TTC7B: variants seen among roughly 807,000 people sequenced by gnomAD.
TTC7B encodes tetratricopeptide repeat protein 7B.
In TTC7B, 28 loss-of-function variants were observed where a neutral mutation model predicts 106.8. That is an observed-to-expected ratio of 0.26 (90% confidence interval 0.19 to 0.36). The LOEUF is 0.36. Among genes scored for constraint, TTC7B ranks in the 10% least tolerant of loss-of-function variants. The probability of loss-of-function intolerance (pLI) is 1.00; values close to 1 mark genes in which losing one functional copy is unlikely to be tolerated. For missense variants in TTC7B, 862 were observed against 1,076.4 expected (o/e 0.80, Z 2.79); for synonymous variants, 405 against 430.6 (o/e 0.94, Z 0.74).
intron 17 of TTC7B, among the ~76,000 whole-genome samples, chr14:90,605,094 G>C (rs1374122976): frequency 6.6e-6 from 1 of 152,130 alleles, no homozygotes; most frequent in East Asian, 1.9e-4. Flanking sequence ...GGGGACCAGG[G>C]GATCCGCTGC....
intron 18 of TTC7B, among the ~76,000 whole-genome samples, chr14:90,582,374 T>TGGG (rs796078720): frequency 1.2e-4 from 18 of 152,252 alleles, no homozygotes; most frequent in African/African-American, 3.4e-4. Flanking sequence ...ACCTGTCAGG[T>TGGG]GGGGGGCCTG....
At chr14:90,668,350 T>C (rs1270244806) in intron 9 of TTC7B, among the ~76,000 whole-genome samples, 1 of 152,092 alleles carries the variant, frequency 6.6e-6, no homozygotes, top group East Asian at 1.9e-4. Context: ...GAGCTCAGAG[T>C]AGCCAAGTAT....
At chr14:90,610,626 T>G in intron 17 of TTC7B, 116 bp downstream of exon 17, 5 of 745,188 alleles carry the variant, frequency 6.7e-6, no homozygotes, top group Non-Finnish European at 4.8e-6. Context: ...GTTTAAACTA[T>G]TTGTGCAAGA....
intron 19 of TTC7B, among the ~76,000 whole-genome samples, chr14:90,546,495 C>T (rs1300027408): frequency 6.6e-6 from 1 of 152,206 alleles, no homozygotes; most frequent in South Asian, 2.1e-4. Context: ...GGACGCAGCC[C>T]CAGCCCCCTC....
intron 16 of TTC7B, among the ~76,000 whole-genome samples, chr14:90,615,070 G>A (rs1893014571): frequency 6.6e-6 from 1 of 152,232 alleles, no homozygotes; most frequent in African/African-American, 2.4e-5. Flanking sequence ...CCAAATGTAA[G>A]AGAATGCCAC....
intron 4 of TTC7B, among the ~76,000 whole-genome samples, chr14:90,739,915 C>T (rs140411586): frequency 4.6e-5 from 7 of 152,308 alleles, no homozygotes; most frequent in African/African-American, 1.7e-4. Flanking sequence ...CCTTGCAGGG[C>T]GGATAACTTT....
intron 3 of TTC7B, among the ~76,000 whole-genome samples, chr14:90,763,289 G>A (rs141713816): frequency 1.5e-3 from 229 of 152,090 alleles, no homozygotes; most frequent in Non-Finnish European, 2.4e-3. Context: ...AAAATTACAC[G>A]AACAATGCAA....
intron 15 of TTC7B, among the ~76,000 whole-genome samples, chr14:90,627,050 G>A (rs922789901): frequency 3.3e-5 from 5 of 152,022 alleles, no homozygotes; most frequent in African/African-American, 4.8e-5. Context: ...GCAGTGGCTC[G>A]AGGGTCAAGA....
intron 1 of TTC7B, among the ~76,000 whole-genome samples, chr14:90,804,831 C>G (rs1286318): frequency 0.69 from 104,891 of 152,136 alleles, 37,307 homozygotes; most frequent in Middle Eastern, 0.78. Flanking sequence ...CTCAAGGGAA[C>G]CAGGCCTCAC....
chr14:90,555,259 G>A (rs1890254289), intron 19 of TTC7B, among the ~76,000 whole-genome samples: 1 of 152,200 alleles, frequency 6.6e-6, no homozygotes, highest in African/African-American at 2.4e-5. Flanking sequence ...GAAGCTCCGA[G>A]GACATGAGAG....
At position 90,534,115 on chromosome 14, in the gene TTC7B, C is replaced by G. The variant is rs986325307; in HGVS notation, c.*7253G>C. On this transcript the variant is annotated 3_prime_UTR_variant, in exon 20 of 20. Coordinates refer to ENST00000328459, the MANE Select transcript of TTC7B (RefSeq NM_001010854.2). ...CAGCAGGTGCAGAGCTGGAGTGGGTCCCCCACGGTGTGACCTTGAGGGGGG... is the reference window on the plus strand; with the variant it reads ...CAGCAGGTGCAGAGCTGGAGTGGGTGCCCCACGGTGTGACCTTGAGGGGGG... 3 of 152,578 alleles carry G rather than the reference C, an allele frequency of 2.0e-5. No individual in the cohort carries two copies. Among genetic ancestry groups the G allele is most frequent in the African/African-American group, 7.2e-5 (3 of 41,606 alleles). 9.5% of individuals were successfully genotyped at this position (152,578 alleles called of 1,614,324 possible). A position where few individuals can be genotyped will look rare whatever the true frequency, so the allele number is the denominator to read the frequency against.
intron 9 of TTC7B, among the ~76,000 whole-genome samples, chr14:90,660,412 AAAAAAAAAAG>A (rs1202242669): frequency 5.2e-5 from 7 of 134,690 alleles, no homozygotes; most frequent in South Asian, 2.4e-4. Flanking sequence ...AAAAAAAAAA[AAAAAAAAAAG>A]AAAAGAAAAG....
At chr14:90,784,974 G>T (rs1235403420) in intron 2 of TTC7B, among the ~76,000 whole-genome samples, 2 of 152,160 alleles carry the variant, frequency 1.3e-5, no homozygotes, top group Non-Finnish European at 2.9e-5. Flanking sequence ...CTCAAAGGTT[G>T]CCCAGGCCCT....
intron 5 of TTC7B, among the ~76,000 whole-genome samples, chr14:90,706,864 C>G (rs1288229157): frequency 6.6e-6 from 1 of 152,204 alleles, no homozygotes. Context: ...CGAGAACTCT[C>G]TCTCTCACAT....
At chr14:90,586,597 C>T (rs577272999) in intron 18 of TTC7B, among the ~76,000 whole-genome samples, 21 of 152,216 alleles carry the variant, frequency 1.4e-4, no homozygotes, top group Non-Finnish European at 2.9e-4. Context: ...TGTGGAGGGG[C>T]TCAGTCTCAG....
At chr14:90,785,459 G>C (rs1395806666) in intron 2 of TTC7B, among the ~76,000 whole-genome samples, 2 of 152,182 alleles carry the variant, frequency 1.3e-5, no homozygotes, top group Non-Finnish European at 2.9e-5. Flanking sequence ...TCTGAACTAG[G>C]GGAAGCATCT....
At position 90,570,682 on chromosome 14, in the gene TTC7B, T is replaced by G. The variant is rs191268941; in HGVS notation, c.2310+7424A>C. On this transcript the variant is annotated intron_variant, in intron 19 of 19. Coordinates refer to ENST00000328459, the MANE Select transcript of TTC7B (RefSeq NM_001010854.2). The surrounding 1 kb of genome is among the most constrained non-coding windows in gnomAD (Gnocchi z 4.0). ...AAGCTCCATGGGGCCAGGAGATGAC[T>G]CACTCACTGTCAAACAGACGCAAAG... is the stretch of plus-strand genomic sequence containing the variant. Among the ~76,000 whole-genome samples, 32 of 152,092 alleles carry G rather than the reference T, an allele frequency of 2.1e-4. No individual in the cohort carries two copies. The highest frequency in any genetic ancestry group is 4.4e-4 in the Non-Finnish European group (30 of 68,004).
chr14:90,544,788 C>T (rs1889757039), intron 19 of TTC7B, among the ~76,000 whole-genome samples: 1 of 152,186 alleles, frequency 6.6e-6, no homozygotes, highest in Admixed American at 6.5e-5. Flanking sequence ...CCTGGCATGG[C>T]TTTCTTGGTG....
chr14:90,541,604 G>T lies in TTC7B; in HGVS notation c.2311-15C>A. On this transcript the variant is annotated splice_polypyrimidine_tract_variant and intron_variant, in intron 19 of 19. Coordinates refer to ENST00000328459, the MANE Select transcript of TTC7B (RefSeq NM_001010854.2). ...AGGATCAGGGCCTGGAGAGGTCAGA[G>T]AGAGAGAGAGACAGTCAGCCATGGA... The T allele has an allele frequency of 6.6e-7, 1 of 1,519,786 alleles. No homozygotes were observed. Among genetic ancestry groups the T allele is most frequent in the East Asian group, 2.3e-5 (1 of 43,146 alleles). 94.1% of individuals were successfully genotyped at this position (1,519,786 alleles called of 1,614,324 possible).
Sources: gnomAD v4.1 joint callset for allele counts (sites outside exome capture counted in the v4.1 genomes callset) on GRCh38, gnomAD v4.1.1 for gene constraint, Gnocchi (gnomAD v3.1) non-coding constraint, MANE v1.5 for transcripts, NCBI Gene and HGNC (gene_info 2026-07-23, HGNC 2026-07-21) for gene names.